RRM2: variants seen among roughly 807,000 people sequenced by gnomAD.
RRM2 encodes the protein ribonucleotide reductase regulatory subunit M2.
RRM2 carries 6 observed loss-of-function variants against 45.9 expected under a neutral mutation model. That is an observed-to-expected ratio of 0.13 (90% CI 0.07 to 0.26). RRM2 has a LOEUF of 0.26. Among genes scored for constraint, RRM2 ranks in the 10% least tolerant of loss-of-function variants. RRM2 has a pLI of 1.00. For synonymous variants in RRM2, 177 were observed against 173.0 expected, an observed-to-expected ratio of 1.02 and a Z score of -0.18; for missense variants, 343 against 489.5, an observed-to-expected ratio of 0.70 and a Z score of 2.82.
At chr2:10,175,762 AAT>A (rs1491353619) in intron 3 of RRM2, among the ~76,000 whole-genome samples, 3 of 96,382 alleles carry the variant, frequency 3.1e-5, no homozygotes, top group Non-Finnish European at 8.4e-5. Context: ...ACGCTCAGCT[AAT>A]TTTTTTTTTT....
chr2:10,139,462 G>A (rs1232643909), upstream of RRM2, among the ~76,000 whole-genome samples: 1 of 152,172 alleles, frequency 6.6e-6, no homozygotes, highest in East Asian at 1.9e-4. Flanking sequence ...AGAGACTTGT[G>A]GGGCATTGTC....
At position 10,127,326 on chromosome 2, in the gene RRM2, A is replaced by G. The variant is rs565014106; in HGVS notation, c.798+106A>G. 10 of 1,139,362 alleles carry G rather than the reference A, an allele frequency of 8.8e-6. No individual in the cohort carries two copies. Among genetic ancestry groups the G allele is most frequent in the Non-Finnish European group, 1.1e-5 (9 of 800,922 alleles). The allele number at this position is 1,139,362 out of a possible 1,614,324, so 70.6% of individuals were successfully genotyped here. ...GAGATGCTAGATGGCATATATCCACATTTAATGTGTGAGTTCAACCATACA... is the reference window on the plus strand; with the variant it reads ...GAGATGCTAGATGGCATATATCCACGTTTAATGTGTGAGTTCAACCATACA... On this transcript the variant is annotated intron_variant, in intron 7 of 9. Coordinates refer to ENST00000304567, the MANE Select transcript of RRM2 (RefSeq NM_001034.4). The surrounding 1 kb of genome is among the most constrained non-coding windows in gnomAD (Gnocchi z 4.1).
intron 3 of RRM2, among the ~76,000 whole-genome samples, chr2:10,197,809 C>T (rs756603215): frequency 6.6e-6 from 1 of 152,120 alleles, no homozygotes; most frequent in African/African-American, 2.4e-5. Flanking sequence ...TTCCCAGGGC[C>T]CAGCAGAGCC....
At chr2:10,200,542 T>TGCGCGCACAAAATATGAGG in intron 3 of RRM2, among the ~76,000 whole-genome samples, 1 of 2,502 alleles carries the variant, frequency 4.0e-4, no homozygotes, top group Non-Finnish European at 9.9e-4. Context: ...AAATTATGAG[T>TGCGCGCACAAAATATGAGG]CCCACAGGGA....
At chr2:10,155,238 C>A in intron 3 of RRM2, 1 of 237,950 alleles carries the variant, frequency 4.2e-6, no homozygotes, top group South Asian at 4.7e-5. Flanking sequence ...AGTTTACATT[C>A]ATGGAGTCTT....
intron 3 of RRM2, among the ~76,000 whole-genome samples, chr2:10,208,840 G>A (rs1036631558): frequency 1.3e-5 from 2 of 151,900 alleles, no homozygotes; most frequent in African/African-American, 4.8e-5. Context: ...AGACACTCAC[G>A]TATCACCCTG....
chr2:10,171,537 T>C lies in RRM2; in HGVS notation n.482+29162T>C, dbSNP rs1663805886. Among the ~76,000 whole-genome samples the C allele has an allele frequency of 6.6e-6, 1 of 152,140 alleles. No individual in the cohort carries two copies. The highest frequency in any genetic ancestry group is 1.5e-5 in the Non-Finnish European group (1 of 68,028). ...AGCTAAGCAGGGCTTGGCAAGGTGG[T>C]GTCCCCCGGTCAGTGCCAGAGTCTC... On this transcript the variant is annotated intron_variant and non_coding_transcript_variant, in intron 3 of 3. Coordinates refer to the RRM2 transcript ENST00000381786. The surrounding 1 kb of genome is among the most constrained non-coding windows in gnomAD (Gnocchi z 4.1).
rs1052925252 is a variant in RRM2, at chr2:10,185,356, CT to C, written n.483-24954del. ...CATCGATTCATTAATATATTCAAAACTATATTCAAAAACTATTCATTTAAAA... is the reference window on the plus strand; with the variant it reads ...CATCGATTCATTAATATATTCAAAACATATTCAAAAACTATTCATTTAAAA... On this transcript the variant is annotated intron_variant and non_coding_transcript_variant, in intron 3 of 3. Transcript: ENST00000381786. The surrounding 1 kb of genome is among the most constrained non-coding windows in gnomAD (Gnocchi z 4.3). Among the ~76,000 whole-genome samples the C allele has an allele frequency of 6.6e-6, 1 of 152,148 alleles. No homozygotes were observed. The highest frequency in any genetic ancestry group is 2.4e-5 in the African/African-American group (1 of 41,438).
intron 2 of RRM2, 74 bp from the exon 3 acceptor site, chr2:10,123,313 G>T: frequency 6.6e-7 from 1 of 1,508,488 alleles, no homozygotes. Flanking sequence ...CCAATGGAAA[G>T]GACTTGGTCC....
At chr2:10,181,786 C>G (rs1246836436) in intron 3 of RRM2, among the ~76,000 whole-genome samples, 39 of 98,274 alleles carry the variant, frequency 4.0e-4, no homozygotes, top group African/African-American at 1.6e-3. Context: ...TTTTTTAAGA[C>G]AGGGTCTCAG....
intron 3 of RRM2, chr2:10,198,465 C>A (rs369289097): frequency 1.3e-5 from 2 of 151,032 alleles, no homozygotes; most frequent in Non-Finnish European, 2.9e-5. Context: ...TGCAGTGGTG[C>A]GCTCTTGGCT....
chr2:10,180,321 C>G (rs772405225), intron 3 of RRM2, among the ~76,000 whole-genome samples: 1 of 152,224 alleles, frequency 6.6e-6, no homozygotes, highest in Non-Finnish European at 1.5e-5. Flanking sequence ...GTTATTATAA[C>G]TAAATCATTC....
intron 5 of RRM2, 118 bp from the exon 6 acceptor site, chr2:10,126,757 G>A (rs1408018244): frequency 2.5e-5 from 18 of 729,946 alleles, no homozygotes; most frequent in Non-Finnish European, 4.0e-5. Flanking sequence ...CTTCCTTTAG[G>A]AAGAGGATTG....
upstream of RRM2, among the ~76,000 whole-genome samples, chr2:10,140,072 G>C (rs888222417): frequency 7.9e-5 from 12 of 151,818 alleles, no homozygotes; most frequent in African/African-American, 1.2e-4. Flanking sequence ...CACAGAGAAA[G>C]CCCCTCTCTA....
chr2:10,148,143 C>CAA (rs374826185), intron 3 of RRM2, among the ~76,000 whole-genome samples: 16 of 119,600 alleles, frequency 1.3e-4, no homozygotes, highest in South Asian at 2.9e-4. Flanking sequence ...GACCCTGACT[C>CAA]AAAAAAAAAA....
At chr2:10,139,525 G>A (rs1464293918), upstream of RRM2, among the ~76,000 whole-genome samples, 1 of 152,144 alleles carries the variant, frequency 6.6e-6, no homozygotes, top group East Asian at 1.9e-4. Context: ...TAGAAGTGGG[G>A]GTGTCAAAGG....
intron 3 of RRM2, among the ~76,000 whole-genome samples, chr2:10,201,777 G>A (rs1664574073): frequency 1.3e-5 from 2 of 152,146 alleles, no homozygotes; most frequent in Non-Finnish European, 2.9e-5. Flanking sequence ...CAGGATTGTA[G>A]GAGTCTCCCA....
Position 10,122,851 on chromosome 2 carries a change from A to C in RRM2, c.53A>C (p.Gln18Pro), listed in dbSNP as rs747010999. 9 of 1,602,182 alleles carry C rather than the reference A, an allele frequency of 5.6e-6. No homozygotes were observed. The highest frequency in any genetic ancestry group is 2.2e-5 in the South Asian group (2 of 89,002). The change falls in exon 1 of 10, where the codon CAG becomes CCG. Residue 18 changes from glutamine (Q) to proline (P), a missense_variant. Transcript: ENST00000304567. ...LAPITDPQQLQLSPLKGLSLV... is the reference protein window; with the variant it reads ...LAPITDPQQLPLSPLKGLSLV... Reference sequence around the variant, plus strand: ...CCCATCACGGACCCGCAGCAGCTGCAGCTCTCGCCGCTGAAGGGGCTCAGC... The same window carrying C: ...CCCATCACGGACCCGCAGCAGCTGCCGCTCTCGCCGCTGAAGGGGCTCAGC...
At chr2:10,157,953 A>G (rs1181528792) in intron 3 of RRM2, among the ~76,000 whole-genome samples, 1 of 152,168 alleles carries the variant, frequency 6.6e-6, no homozygotes, top group Non-Finnish European at 1.5e-5. Context: ...ATTTTAAATA[A>G]ATGAGTTCAT....
Sources: gnomAD v4.1 joint callset for allele counts (sites outside exome capture counted in the v4.1 genomes callset) on GRCh38, gnomAD v4.1.1 for gene constraint, Gnocchi (gnomAD v3.1) non-coding constraint, MANE v1.5 for transcripts, NCBI Gene and HGNC (gene_info 2026-07-23, HGNC 2026-07-21) for gene names.